Variants in LUC7L2 observed in about 807,000 individuals in gnomAD.
The protein encoded by LUC7L2 is putative RNA-binding protein Luc7-like 2.
In LUC7L2, 25 loss-of-function variants were observed where a neutral mutation model predicts 52.8. The ratio of observed to expected loss-of-function variants is 0.47; its 90% CI spans 0.34 to 0.66. The LOEUF (loss-of-function observed/expected upper bound fraction) is 0.66. Ranked by LOEUF, LUC7L2 falls within the 30% of genes least tolerant of loss-of-function variation. LUC7L2 has a pLI of 0.01. For missense variants in LUC7L2, 328 were observed against 497.8 expected (o/e 0.66, Z 3.25); for synonymous variants, 144 against 160.9 (o/e 0.89, Z 0.80).
At chr7:139,387,338 C>T (rs953246060) in intron 2 of LUC7L2, among the ~76,000 whole-genome samples, 4 of 152,060 alleles carry the variant, frequency 2.6e-5, no homozygotes, top group African/African-American at 7.2e-5. Flanking sequence ...GGACTGCAGG[C>T]GCCTGCCACC....
At chr7:139,398,559 C>T in intron 2 of LUC7L2, 40 bp from the exon 3 acceptor site, 2 of 1,534,450 alleles carry the variant, frequency 1.3e-6, no homozygotes, top group South Asian at 2.5e-5. Flanking sequence ...TTTTAAAAAA[C>T]TTTTTTTTGT....
chr7:139,382,584 C>G (rs1801090250), intron 2 of LUC7L2, among the ~76,000 whole-genome samples: 1 of 151,968 alleles, frequency 6.6e-6, no homozygotes, highest in African/African-American at 2.4e-5. Context: ...AGTTTCACTT[C>G]CACCATGTTG....
chr7:139,380,640 A>G (rs954969079), intron 2 of LUC7L2, among the ~76,000 whole-genome samples: 10 of 152,258 alleles, frequency 6.6e-5, no homozygotes, highest in East Asian at 3.9e-4. Flanking sequence ...TTATTTTTCT[A>G]TTCTTCTAGA....
chr7:139,342,762 C>A lies in LUC7L2; in HGVS notation c.-26+2245C>A, dbSNP rs77792993. On this transcript the variant is annotated intron_variant, in intron 1 of 10. Coordinates refer to the LUC7L2 transcript ENST00000541170. ...CAGGCGTGAACTATCAAACCTGGCC[C>A]CATTCTAAGATTTTTAAGGAGGTGA... Among the ~76,000 whole-genome samples the A allele has an allele frequency of 4.3e-3, 657 of 152,206 alleles. 4 individuals are homozygous for A. Among genetic ancestry groups the A allele is most frequent in the African/African-American group, 0.015 (621 of 41,528 alleles).
intron 2 of LUC7L2, among the ~76,000 whole-genome samples, chr7:139,389,984 C>G (rs955122761): frequency 6.6e-6 from 1 of 152,122 alleles, no homozygotes; most frequent in Admixed American, 6.5e-5. Flanking sequence ...GACAACATAG[C>G]AAGATCCCAT....
At chr7:139,406,373 G>T (rs1385964168) in intron 5 of LUC7L2, among the ~76,000 whole-genome samples, 1 of 118,080 alleles carries the variant, frequency 8.5e-6, no homozygotes, top group South Asian at 2.9e-4. Flanking sequence ...TTTTTTTTAA[G>T]ACAGAGTCTT....
At chr7:139,380,442 A>G in intron 2 of LUC7L2, among the ~76,000 whole-genome samples, 1 of 151,686 alleles carries the variant, frequency 6.6e-6, no homozygotes, top group Middle Eastern at 3.2e-3. Flanking sequence ...TGCTAAAAAT[A>G]CAAAAAAAGT....
intron 6 of LUC7L2, 80 bp from the exon 7 acceptor site, chr7:139,409,483 C>G: frequency 6.7e-7 from 1 of 1,488,402 alleles, no homozygotes; most frequent in South Asian, 1.4e-5. Context: ...GTATTAGAAA[C>G]CAGATAATAT....
chr7:139,369,595 G>A (rs1028564045), intron 1 of LUC7L2, among the ~76,000 whole-genome samples: 15 of 152,180 alleles, frequency 9.9e-5, no homozygotes, highest in Admixed American at 2.0e-4. Flanking sequence ...AGCTTCAAAA[G>A]ATCCTACAAG....
chr7:139,401,598 G>A (rs529676979), intron 3 of LUC7L2, among the ~76,000 whole-genome samples: 18 of 151,908 alleles, frequency 1.2e-4, no homozygotes, highest in Non-Finnish European at 1.9e-4. Flanking sequence ...GATTACAGGC[G>A]CGCACTACCA....
chr7:139,379,406 T>C (rs1800873510), intron 2 of LUC7L2, among the ~76,000 whole-genome samples: 1 of 151,948 alleles, frequency 6.6e-6, no homozygotes, highest in Non-Finnish European at 1.5e-5. Flanking sequence ...GTTGGAACTT[T>C]ATATCAAGCA....
chr7:139,368,673 G>A (rs1292723707), intron 1 of LUC7L2, among the ~76,000 whole-genome samples: 1 of 150,790 alleles, frequency 6.6e-6, no homozygotes, highest in Non-Finnish European at 1.5e-5. Context: ...AGGAGACGGA[G>A]GTTGCTGTGA....
chr7:139,369,392 G>A (rs1312059353), intron 1 of LUC7L2, among the ~76,000 whole-genome samples: 2 of 152,116 alleles, frequency 1.3e-5, no homozygotes, highest in Admixed American at 6.6e-5. Flanking sequence ...AATTTAAGAA[G>A]AGGAATAGGC....
At chr7:139,416,088 T>TATA (rs1795601739) in intron 8 of LUC7L2, 1 of 135,432 alleles carries the variant, frequency 7.4e-6, no homozygotes, top group African/African-American at 2.5e-5. Flanking sequence ...TATATATATA[T>TATA]ATGATTTACT....
chr7:139,412,287 A>G (rs1236803623), intron 7 of LUC7L2, among the ~76,000 whole-genome samples: 1 of 151,936 alleles, frequency 6.6e-6, no homozygotes, highest in Non-Finnish European at 1.5e-5. Flanking sequence ...CGTTTCGGAG[A>G]AGGAGTACTC....
chr7:139,405,163 A>C (rs1187282542), intron 4 of LUC7L2, among the ~76,000 whole-genome samples: 2 of 152,244 alleles, frequency 1.3e-5, no homozygotes, highest in Non-Finnish European at 2.9e-5. Flanking sequence ...AATGTTTTAC[A>C]GAAATGGCCC....
intron 9 of LUC7L2, among the ~76,000 whole-genome samples, chr7:139,421,797 A>T (rs1005979759): frequency 6.6e-6 from 1 of 152,242 alleles, no homozygotes; most frequent in African/African-American, 2.4e-5. Context: ...CCCTATTCTA[A>T]GCCATTTAAA....
At position 139,377,217 on chromosome 7, in the gene LUC7L2, T is replaced by A. The variant is rs559681763; in HGVS notation, c.156+1061T>A. On this transcript the variant is annotated intron_variant, in intron 2 of 9. Transcript: ENST00000354926. ...AAACTCTTTATTTATTTATTTATTT[T>A]TTCTGATACAGAGTCTTGCTCTGTC... Among the ~76,000 whole-genome samples the A allele has an allele frequency of 2.0e-5, 3 of 152,252 alleles. No individual in the cohort carries two copies. In the East Asian group the frequency reaches 5.8e-4, roughly 29 times the overall value.
At chr7:139,350,777 G>C (rs1354000491) in intron 1 of LUC7L2, among the ~76,000 whole-genome samples, 1 of 151,586 alleles carries the variant, frequency 6.6e-6, no homozygotes, top group Non-Finnish European at 1.5e-5. Context: ...CTGGGTTCAA[G>C]TGATTCTCCT....
Sources: gnomAD v4.1 joint callset for allele counts (sites outside exome capture counted in the v4.1 genomes callset) on GRCh38, gnomAD v4.1.1 for gene constraint, MANE v1.5 for transcripts, NCBI Gene and HGNC (gene_info 2026-07-23, HGNC 2026-07-21) for gene names.